OIT3: variants seen among roughly 807,000 people sequenced by gnomAD.
OIT3 encodes oncoprotein induced transcript 3.
OIT3 carries 41 observed loss-of-function variants against 52.2 expected under a neutral mutation model. The ratio of observed to expected loss-of-function variants is 0.79; its 90% confidence interval spans 0.61 to 1.02. OIT3 has a LOEUF of 1.02. OIT3 is among the 50% of genes least tolerant of loss of function. The pLI is 0.00. For missense variants in OIT3, 634 were observed against 715.5 expected, an observed-to-expected ratio of 0.89 and a Z score of 1.30; for synonymous variants, 244 against 276.9, an observed-to-expected ratio of 0.88 and a Z score of 1.18.
rs374622517 is a variant in OIT3 at position 72,893,764 on chromosome 10, G to C, written c.-35G>C. On this transcript the variant is annotated 5_prime_UTR_variant, in exon 1 of 9. Coordinates refer to ENST00000334011, the MANE Select transcript of OIT3 (RefSeq NM_152635.3). ...GACAAAGGAACACCAGTATTAAGAG[G>C]ATTTTCCAGTGTTTCTGGCAGTTGG... is the stretch of plus-strand genomic sequence containing the variant. 2.5e-6 allele frequency: 4 copies of C among 1,580,624 alleles called. No homozygotes were observed. The highest frequency in any genetic ancestry group is 3.4e-6 in the Non-Finnish European group (4 of 1,161,254).
At chr10:72,916,128 C>T (rs1388913616) in intron 6 of OIT3, among the ~76,000 whole-genome samples, 3 of 152,152 alleles carry the variant, frequency 2.0e-5, no homozygotes, top group Non-Finnish European at 4.4e-5. Flanking sequence ...TCATTTCTTA[C>T]TCTCGTATAC....
chr10:72,894,313 CT>C (rs1845855130), intron 1 of OIT3, among the ~76,000 whole-genome samples: 1 of 152,174 alleles, frequency 6.6e-6, no homozygotes, highest in African/African-American at 2.4e-5. Flanking sequence ...GAAAATAAGA[CT>C]TTTTGCACAG....
intron 6 of OIT3, among the ~76,000 whole-genome samples, chr10:72,919,277 C>T (rs527685167): frequency 2.6e-5 from 4 of 152,080 alleles, no homozygotes; most frequent in South Asian, 2.1e-4. Context: ...ATAAGAATGC[C>T]GGCATTTTTG....
intron 4 of OIT3, among the ~76,000 whole-genome samples, chr10:72,910,078 A>G (rs1846016558): frequency 6.6e-6 from 1 of 152,218 alleles, no homozygotes; most frequent in South Asian, 2.1e-4. Flanking sequence ...AGACTTAAAT[A>G]TTTTAAGCTA....
In OIT3 at chr10:72,916,020, G is replaced by C. The variant is rs568842649; in HGVS notation, c.951+2552G>C. On this transcript the variant is annotated intron_variant, in intron 6 of 8. Transcript: ENST00000334011. ...AAGAGATGAGTTTGAGTGAGGCATT[G>C]AAGGGCGGGTAAATGAAGATGGGAA... Among the ~76,000 whole-genome samples the C allele has an allele frequency of 4.0e-4, 61 of 152,302 alleles. 1 individual carries two copies. In the South Asian group the frequency reaches 0.012, roughly 30 times the overall value.
At chr10:72,913,622 A>G (rs1393264607) in intron 6 of OIT3, 154 bp downstream of exon 6, 8 of 725,060 alleles carry the variant, frequency 1.1e-5, no homozygotes, top group African/African-American at 1.7e-5. Flanking sequence ...CTTTTAACCA[A>G]CGTGTTATTG....
chr10:72,911,711 C>A lies in OIT3; in HGVS notation c.668-6C>A, dbSNP rs759477254. ...TTATTCCCTTTTCTGTTGGTTTCTA[C>A]TGCAGACGTTGAAGGATGCCACAAT... On this transcript the variant is annotated splice_polypyrimidine_tract_variant and splice_region_variant and intron_variant, in intron 4 of 8. Coordinates refer to ENST00000334011, the MANE Select transcript of OIT3 (RefSeq NM_152635.3). 2.5e-6 allele frequency: 4 copies of A among 1,612,090 alleles called. No individual in the cohort carries two copies. The African/African-American group carries it at 5.3e-5, about 22-fold the overall frequency.
intron 3 of OIT3, among the ~76,000 whole-genome samples, chr10:72,905,007 G>A (rs1259024048): frequency 1.3e-5 from 2 of 152,210 alleles, no homozygotes; most frequent in Non-Finnish European, 2.9e-5. Context: ...AAGACAGGAA[G>A]TGAGAGTGAG....
intron 7 of OIT3, among the ~76,000 whole-genome samples, chr10:72,929,321 A>G (rs1472937911): frequency 6.6e-6 from 1 of 152,056 alleles, no homozygotes; most frequent in African/African-American, 2.4e-5. Context: ...CCCAGAAGAC[A>G]GGAACTATTA....
rs751536634 is a variant in OIT3, at chr10:72,932,794, T to A, written c.*270T>A. 115 of 362,542 alleles carry A rather than the reference T, an allele frequency of 3.2e-4. 1 individual carries two copies. Among genetic ancestry groups the A allele is most frequent in the Middle Eastern group, 2.1e-3 (3 of 1,424 alleles). The allele number at this position is 362,542 out of a possible 1,614,324, so 22.5% of individuals were successfully genotyped here. On this transcript the variant is annotated 3_prime_UTR_variant, in exon 9 of 9. Transcript: ENST00000334011. ...AAGACACTCACCCCATTTCCCTCAT[T>A]TCTTTCCTACACTTAAATACCTCGT...
In OIT3 at chr10:72,917,829, T is replaced by C. The variant is rs549992177; in HGVS notation, c.951+4361T>C. On this transcript the variant is annotated intron_variant, in intron 6 of 8. Transcript: ENST00000334011. ...TTTTGGTGTTTTAGGAGTTTTTTCC[T>C]GTTTTTTGAAGGATTCTTGTCCTTT... The C allele has an allele frequency of 3.6e-6, 5 of 1,407,908 alleles. No homozygotes were observed. In the Admixed American group the frequency reaches 8.4e-5, roughly 24 times the overall value. 87.2% of individuals were successfully genotyped at this position (1,407,908 alleles called of 1,614,324 possible).
intron 6 of OIT3, among the ~76,000 whole-genome samples, chr10:72,923,850 C>T (rs1041717771): frequency 3.9e-5 from 6 of 152,178 alleles, no homozygotes; most frequent in African/African-American, 7.2e-5. Context: ...GTCCAAACAA[C>T]TGTCCAAACA....
At position 72,922,095 on chromosome 10, in the gene OIT3, C is replaced by T. The variant is rs1255466592; in HGVS notation, c.952-2134C>T. 2.6e-5 allele frequency among the ~76,000 whole-genome samples: 4 copies of T among 152,284 alleles called. No homozygotes were observed. The East Asian group carries it at 7.7e-4, about 29-fold the overall frequency. ...TTCCCTTGTAGGTGACTTAGCCTTT[C>T]TCTCTGGCTGCCCTTAACATGTTTT... On this transcript the variant is annotated intron_variant, in intron 6 of 8. Coordinates refer to ENST00000334011, the MANE Select transcript of OIT3 (RefSeq NM_152635.3).
At position 72,932,757 on chromosome 10, in the gene OIT3, TG is replaced by T. The variant is rs887521376; in HGVS notation, c.*234del. 2.3e-6 allele frequency: 1 copy of T among 426,608 alleles called. No homozygotes were observed. The highest frequency in any genetic ancestry group is 2.0e-5 in the African/African-American group (1 of 48,948). The allele number at this position is 426,608 out of a possible 1,614,324, so 26.4% of individuals were successfully genotyped here. A position where few individuals can be genotyped will look rare whatever the true frequency, so the allele number is the denominator to read the frequency against. On this transcript the variant is annotated 3_prime_UTR_variant, in exon 9 of 9. Transcript: ENST00000334011. ...ATCTTTCTAGGGTTGAAAACTAAAC[TG>T]TCCACCCAGAAAGACACTCACCCCA...
chr10:72,898,957 G>A lies in OIT3; in HGVS notation c.355G>A (p.Val119Met), dbSNP rs368659399. The change falls in exon 2 of 9, where the codon GTG becomes ATG. Residue 119 changes from valine to methionine, a missense_variant. Physicochemically the swap from Val to Met is conservative, Grantham distance 21. Coordinates refer to ENST00000334011, the MANE Select transcript of OIT3 (RefSeq NM_152635.3). Reference sequence around the variant, plus strand: ...GAACTGCTGTCTCTGGAACACCACGGTGGAAGTCAAGGCTTGCCCTGGAGG... The same window carrying A: ...GAACTGCTGTCTCTGGAACACCACGATGGAAGTCAAGGCTTGCCCTGGAGG... ...NGNCCLWNTT[V>M]EVKACPGGYY... 3 of 1,614,048 alleles carry A rather than the reference G, an allele frequency of 1.9e-6. No individual in the cohort carries two copies. Among genetic ancestry groups the A allele is most frequent in the African/African-American group, 2.7e-5 (2 of 74,916 alleles).
chr10:72,926,650 G>A (rs1370844494), intron 7 of OIT3, among the ~76,000 whole-genome samples: 1 of 152,134 alleles, frequency 6.6e-6, no homozygotes, highest in East Asian at 1.9e-4. Context: ...TTCATAATAT[G>A]GAAAGTTTGT....
chr10:72,921,888 T>G (rs1206784262), intron 6 of OIT3, among the ~76,000 whole-genome samples: 1 of 151,996 alleles, frequency 6.6e-6, no homozygotes, highest in East Asian at 1.9e-4. Flanking sequence ...GCCAGGCTGG[T>G]CTCGAACTCC....
chr10:72,928,299 C>T (rs576767872), intron 7 of OIT3, among the ~76,000 whole-genome samples: 3 of 152,258 alleles, frequency 2.0e-5, no homozygotes, highest in South Asian at 2.1e-4. Context: ...AACAAGTTTT[C>T]GATAAGCCAC....
intron 3 of OIT3, among the ~76,000 whole-genome samples, chr10:72,905,642 A>G (rs1004443138): frequency 5.3e-5 from 8 of 152,142 alleles, no homozygotes; most frequent in African/African-American, 1.4e-4. Context: ...AAGTTTCCCC[A>G]TACCATGTGG....
Sources: allele counts gnomAD v4.1 joint callset (sites outside exome capture counted in the v4.1 genomes callset), GRCh38; gene constraint gnomAD v4.1.1; transcripts MANE v1.5; gene names NCBI Gene and HGNC (gene_info 2026-07-23, HGNC 2026-07-21).